Variants in TPTE observed in about 807,000 individuals in gnomAD.
TPTE encodes transmembrane phosphatase with tensin homology, also known as putative tyrosine-protein phosphatase TPTE.
Under a neutral mutation model 84.1 loss-of-function variants are expected in TPTE, and 59 were observed. The observed-to-expected ratio is 0.70, with a 90% confidence interval of 0.57 to 0.87. The LOEUF (loss-of-function observed/expected upper bound fraction) is 0.87, where lower values mean the gene tolerates loss of function less well. Among genes scored for constraint, TPTE ranks in the 40% least tolerant of loss-of-function variants. The pLI is 0.00. For missense variants in TPTE, 382 were observed against 659.6 expected (o/e 0.58, Z 4.61); for synonymous variants, 130 against 223.5 (o/e 0.58, Z 3.73).
chr21:10,547,286 C>T (rs1351574382), intron 7 of TPTE, among the ~76,000 whole-genome samples: 7 of 152,308 alleles, frequency 4.6e-5, no homozygotes, highest in African/African-American at 1.7e-4. Context: ...AGGGATAGTC[C>T]TGGAGTGCAG....
At chr21:10,550,584 A>T (rs956217653) in intron 7 of TPTE, among the ~76,000 whole-genome samples, 1 of 152,312 alleles carries the variant, frequency 6.6e-6, no homozygotes, top group African/African-American at 2.4e-5. Flanking sequence ...ACACCAGAGC[A>T]CCTAGATATA....
At chr21:10,543,583 C>T (rs2074411619) in intron 7 of TPTE, among the ~76,000 whole-genome samples, 3 of 152,308 alleles carry the variant, frequency 2.0e-5, no homozygotes, top group South Asian at 4.1e-4. Context: ...CTCTCAGGAG[C>T]CTGCATGGCC....
At chr21:10,529,698 A>G (rs1356951417) in intron 3 of TPTE, among the ~76,000 whole-genome samples, 2 of 152,420 alleles carry the variant, frequency 1.3e-5, no homozygotes, top group African/African-American at 2.4e-5. Context: ...TCATATCTCT[A>G]TTGTGGTTGA....
At chr21:10,547,909 T>A (rs1431729349) in intron 7 of TPTE, among the ~76,000 whole-genome samples, 2 of 152,296 alleles carry the variant, frequency 1.3e-5, no homozygotes, top group East Asian at 3.8e-4. Flanking sequence ...CTACATGCCC[T>A]CTCCCAAGTG....
At chr21:10,542,703 A>G (rs1429218064) in intron 6 of TPTE, among the ~76,000 whole-genome samples, 1 of 152,306 alleles carries the variant, frequency 6.6e-6, no homozygotes, top group Non-Finnish European at 1.5e-5. Context: ...ACTGGTGGAC[A>G]TTTGTGGAAT....
intron 14 of TPTE, chr21:10,576,662 T>A (rs2075157510): frequency 1.3e-5 from 2 of 152,328 alleles, no homozygotes; most frequent in Admixed American, 1.3e-4. Context: ...GAGGGTACCA[T>A]ACTAATCAGT....
chr21:10,599,508 C>T (rs1468552427), intron 21 of TPTE, among the ~76,000 whole-genome samples: 12 of 152,404 alleles, frequency 7.9e-5, no homozygotes, highest in Non-Finnish European at 1.0e-4. Context: ...ATAAATATCA[C>T]ATCTCAAGTG....
intron 22 of TPTE, among the ~76,000 whole-genome samples, chr21:10,602,438 AAC>A (rs1341924545): frequency 3.4e-4 from 52 of 152,238 alleles, no homozygotes; most frequent in Admixed American, 9.8e-4. Context: ...AAAAAAAAAA[AAC>A]CCCAAAGGTA....
chr21:10,601,395 T>G (rs1311858364), intron 21 of TPTE, among the ~76,000 whole-genome samples: 1 of 152,302 alleles, frequency 6.6e-6, no homozygotes, highest in Admixed American at 6.5e-5. Context: ...CCCAGCTACT[T>G]GGGAGGCTGA....
At chr21:10,554,609 G>A (rs185663601) in intron 8 of TPTE, among the ~76,000 whole-genome samples, 564 of 152,132 alleles carry the variant, frequency 3.7e-3, no homozygotes, top group African/African-American at 0.013. Flanking sequence ...ATTTCTCCCA[G>A]GTTGTCTTGC....
At chr21:10,548,443 C>T (rs2074512265) in intron 7 of TPTE, among the ~76,000 whole-genome samples, 1 of 152,310 alleles carries the variant, frequency 6.6e-6, no homozygotes, top group Admixed American at 6.5e-5. Context: ...GAAGACATGC[C>T]CTTAGGCCAG....
At chr21:10,596,272 C>G (rs1183949313) in intron 20 of TPTE, among the ~76,000 whole-genome samples, 185 bp downstream of exon 20, 3 of 152,312 alleles carry the variant, frequency 2.0e-5, no homozygotes. Flanking sequence ...ATTGCCAGCC[C>G]TTAGATGTTC....
At chr21:10,572,450 CAA>C (rs58796102) in intron 14 of TPTE, among the ~76,000 whole-genome samples, 1,201 of 131,490 alleles carry the variant, frequency 9.1e-3, no homozygotes, top group African/African-American at 0.016. Context: ...AGACTGTATC[CAA>C]AAAAAAAAAA....
At chr21:10,566,362 C>A (rs1422971513) in intron 10 of TPTE, among the ~76,000 whole-genome samples, 3 of 152,292 alleles carry the variant, frequency 2.0e-5, no homozygotes, top group Non-Finnish European at 2.9e-5. Context: ...AATAACAAAT[C>A]CTGACAAAGA....
chr21:10,523,975 T>G, intron 1 of TPTE, among the ~76,000 whole-genome samples: 1 of 152,308 alleles, frequency 6.6e-6, no homozygotes, highest in Non-Finnish European at 1.5e-5. Flanking sequence ...TCCTGACTTT[T>G]TAATGATTGC....
intron 8 of TPTE, among the ~76,000 whole-genome samples, chr21:10,555,122 T>C (rs1478175271): frequency 9.8e-5 from 15 of 152,302 alleles, no homozygotes; most frequent in Admixed American, 9.8e-4. Context: ...GAGTCATTCA[T>C]GTTCATAGTT....
intron 7 of TPTE, among the ~76,000 whole-genome samples, chr21:10,550,955 C>G (rs1435388423): frequency 6.6e-6 from 1 of 152,308 alleles, no homozygotes; most frequent in African/African-American, 2.4e-5. Flanking sequence ...GAGGAACATT[C>G]AAAACTATAC....
intron 17 of TPTE, among the ~76,000 whole-genome samples, chr21:10,588,901 C>G (rs1299093812): frequency 2.4e-4 from 36 of 152,242 alleles, no homozygotes; most frequent in Admixed American, 1.3e-4. Flanking sequence ...TCCTTCATTT[C>G]CCGGATTGAT....
At chr21:10,604,940 G>C (rs1423663912) in intron 23 of TPTE, among the ~76,000 whole-genome samples, 1 of 152,300 alleles carries the variant, frequency 6.6e-6, no homozygotes, top group Non-Finnish European at 1.5e-5. Context: ...AGGCATAAAT[G>C]GGTTAACCAA....
Sources: gnomAD v4.1 joint callset for allele counts (sites outside exome capture counted in the v4.1 genomes callset) on GRCh38, gnomAD v4.1.1 for gene constraint, MANE v1.5 for transcripts, NCBI Gene and HGNC (gene_info 2026-07-23, HGNC 2026-07-21) for gene names.